RARB: variants seen among roughly 807,000 people sequenced by gnomAD.
RARB encodes retinoic acid receptor beta, also known as HBV-activated protein.
In RARB, 17 loss-of-function variants were observed where a neutral mutation model predicts 51.9. That is an observed-to-expected ratio of 0.33 (90% CI 0.22 to 0.49). RARB has a LOEUF of 0.49. Among genes scored for constraint, RARB ranks in the 20% least tolerant of loss-of-function variants. RARB has a pLI of 0.99. For synonymous variants in RARB, 215 were observed against 195.4 expected, an observed-to-expected ratio of 1.10 and a Z score of -0.84; for missense variants, 369 against 550.8, an observed-to-expected ratio of 0.67 and a Z score of 3.30.
chr3:24,974,115 G>C (rs1016624652), intron 2 of RARB, among the ~76,000 whole-genome samples: 3 of 151,834 alleles, frequency 2.0e-5, no homozygotes, highest in Non-Finnish European at 4.4e-5. Context: ...ATTATTTTGA[G>C]GTGTGTTCTT....
At chr3:25,419,434 A>G (rs1707797677) in intron 5 of RARB, among the ~76,000 whole-genome samples, 1 of 152,172 alleles carries the variant, frequency 6.6e-6, no homozygotes, top group African/African-American at 2.4e-5. Flanking sequence ...GCAAAGTTAG[A>G]CAGGAAGCCC....
At chr3:25,544,597 G>C (rs576392448) in intron 3 of RARB, among the ~76,000 whole-genome samples, 71 of 152,244 alleles carry the variant, frequency 4.7e-4, no homozygotes, top group African/African-American at 1.6e-3. Context: ...TCCTTCTCCT[G>C]GTAGATTGTA....
Position 25,526,252 on chromosome 3 carries a change from A to T in RARB, c.448+24929A>T, listed in dbSNP as rs564970680. Among the ~76,000 whole-genome samples the T allele has an allele frequency of 3.8e-4, 58 of 152,270 alleles. 1 individual carries two copies. The East Asian group carries it at 0.011, about 29-fold the overall frequency. On this transcript the variant is annotated intron_variant, in intron 3 of 7. Transcript: ENST00000330688. ...AAGACTGCTGGGGCTGGAATATAGT[A>T]AGTGAGGAAGGAAGTGGTCCAATAT... is the stretch of plus-strand genomic sequence containing the variant.
chr3:25,435,889 C>A (rs934531405), intron 1 of RARB, among the ~76,000 whole-genome samples: 2 of 151,984 alleles, frequency 1.3e-5, no homozygotes, highest in Non-Finnish European at 1.5e-5. Context: ...TTACAGTAGT[C>A]GTGCCATGGA....
chr3:25,004,161 G>A (rs1015673647), intron 2 of RARB, among the ~76,000 whole-genome samples: 4 of 152,016 alleles, frequency 2.6e-5, no homozygotes, highest in African/African-American at 9.7e-5. Context: ...GTTTTTAAGG[G>A]CTAAGGCAGT....
intron 5 of RARB, among the ~76,000 whole-genome samples, chr3:25,290,073 C>T (rs937473790): frequency 6.6e-6 from 1 of 152,100 alleles, no homozygotes; most frequent in African/African-American, 2.4e-5. Flanking sequence ...AGAGAATGCT[C>T]CCCTTTTCTT....
chr3:25,171,655 A>AAAAAAAAAAAT (rs1700649935), intron 4 of RARB, among the ~76,000 whole-genome samples: 1 of 148,196 alleles, frequency 6.7e-6, no homozygotes, highest in Non-Finnish European at 1.5e-5. Flanking sequence ...AAAAAAAAAA[A>AAAAAAAAAAAT]AAAAAACAGC....
At chr3:25,142,787 C>T (rs1700130080) in intron 4 of RARB, among the ~76,000 whole-genome samples, 1 of 152,098 alleles carries the variant, frequency 6.6e-6, no homozygotes, top group South Asian at 2.1e-4. Context: ...CAATCTATAG[C>T]TGGCAGGTCT....
At chr3:25,006,312 T>C (rs1697271285) in intron 2 of RARB, among the ~76,000 whole-genome samples, 2 of 152,184 alleles carry the variant, frequency 1.3e-5, no homozygotes, top group African/African-American at 4.8e-5. Context: ...CTTGTTAGTG[T>C]ACCTTGTTTA....
chr3:25,042,896 T>C (rs918393608), intron 2 of RARB, among the ~76,000 whole-genome samples: 1 of 152,172 alleles, frequency 6.6e-6, no homozygotes, highest in African/African-American at 2.4e-5. Flanking sequence ...TTTTCTACTC[T>C]CTCCTTTTAT....
At chr3:25,115,406 T>C (rs1416139253) in intron 3 of RARB, among the ~76,000 whole-genome samples, 1 of 152,176 alleles carries the variant, frequency 6.6e-6, no homozygotes, top group Non-Finnish European at 1.5e-5. Context: ...ACAGTAACAA[T>C]TGGGTGAGTG....
chr3:25,206,564 C>G (rs1019538848), intron 5 of RARB, among the ~76,000 whole-genome samples: 4 of 152,160 alleles, frequency 2.6e-5, no homozygotes, highest in Admixed American at 2.6e-4. Flanking sequence ...CTGTGCCCAT[C>G]TACCCATTTC....
intron 4 of RARB, among the ~76,000 whole-genome samples, chr3:25,574,172 T>C (rs569868625): frequency 5.9e-5 from 9 of 152,334 alleles, no homozygotes; most frequent in African/African-American, 2.2e-4. Context: ...TCCGCTTCCT[T>C]AGGGTGAACC....
At chr3:25,528,312 A>C (rs1241101034) in intron 3 of RARB, among the ~76,000 whole-genome samples, 2 of 152,168 alleles carry the variant, frequency 1.3e-5, no homozygotes, top group East Asian at 3.9e-4. Flanking sequence ...CAGGAAGATG[A>C]GCAAAGTCTC....
At chr3:24,990,267 C>A (rs1696883282) in intron 2 of RARB, among the ~76,000 whole-genome samples, 1 of 89,898 alleles carries the variant, frequency 1.1e-5, no homozygotes, top group Admixed American at 1.5e-4. Context: ...TGCTGGTGTG[C>A]TGCACCCATT....
chr3:25,360,739 G>T (rs546722116), intron 5 of RARB, among the ~76,000 whole-genome samples: 6 of 151,592 alleles, frequency 4.0e-5, no homozygotes, highest in African/African-American at 1.5e-4. Flanking sequence ...CACTTATAAA[G>T]CTTAGTTTGG....
intron 5 of RARB, chr3:25,258,907 C>T: frequency 4.0e-6 from 1 of 250,676 alleles, no homozygotes; most frequent in Non-Finnish European, 6.3e-6. Flanking sequence ...ATAAACCTCT[C>T]TTAAGGACCC....
At chr3:24,856,030 G>A (rs971287016) in intron 1 of RARB, among the ~76,000 whole-genome samples, 7 of 151,860 alleles carry the variant, frequency 4.6e-5, no homozygotes, top group Non-Finnish European at 7.4e-5. Context: ...GATTACAGGC[G>A]TGAACCACTG....
intron 3 of RARB, among the ~76,000 whole-genome samples, chr3:25,554,057 G>A (rs967967999): frequency 1.3e-5 from 2 of 151,732 alleles, no homozygotes; most frequent in Non-Finnish European, 2.9e-5. Context: ...TGTTTGGTTA[G>A]GTGAGGAATG....
Sources: gnomAD v4.1 joint callset for allele counts (sites outside exome capture counted in the v4.1 genomes callset) on GRCh38, gnomAD v4.1.1 for gene constraint, MANE v1.5 for transcripts, NCBI Gene and HGNC (gene_info 2026-07-23, HGNC 2026-07-21) for gene names.